GOLGA3: variants seen among roughly 807,000 people sequenced by gnomAD.
GOLGA3 encodes the protein golgin A3, also known as golgin subfamily A member 3.
Under a neutral mutation model 169.4 loss-of-function variants are expected in GOLGA3, and 75 were observed. The ratio of observed to expected loss-of-function variants is 0.44; its 90% confidence interval spans 0.37 to 0.54. GOLGA3 has a LOEUF of 0.54. Among genes scored for constraint, GOLGA3 ranks in the 20% least tolerant of loss-of-function variants. The pLI is 0.00. For missense variants in GOLGA3, 1,899 were observed against 1,930.0 expected (o/e 0.98, Z 0.30); for synonymous variants, 824 against 822.4 (o/e 1.00, Z -0.03).
chr12:132,774,570 C>T (rs1258994121), intron 22 of GOLGA3: 6 of 560,462 alleles, frequency 1.1e-5, no homozygotes, highest in East Asian at 6.2e-5. Flanking sequence ...CCTGGGTCTG[C>T]GGCAGGACGG....
In GOLGA3 at chr12:132,802,020, G is replaced by C. The variant is rs781047849; in HGVS notation, c.1598-51C>G. On this transcript the variant is annotated intron_variant, in intron 7 of 23. Coordinates refer to ENST00000450791, the MANE Select transcript of GOLGA3 (RefSeq NM_001389683.1). ...CAGGCCAGCGACGGCCAACGGGGGAGTCCGCAGCTCCGCGCGTGCGGGACA... is the reference window on the plus strand; with the variant it reads ...CAGGCCAGCGACGGCCAACGGGGGACTCCGCAGCTCCGCGCGTGCGGGACA... 1.0e-5 allele frequency: 15 copies of C among 1,463,144 alleles called. No homozygotes were observed. In the Admixed American group the frequency reaches 2.3e-4, roughly 22 times the overall value. The allele number at this position is 1,463,144 out of a possible 1,614,324, so 90.6% of individuals were successfully genotyped here.
Position 132,774,315 on chromosome 12 carries a change from C to G in GOLGA3, c.4149G>C (p.Lys1383Asn). 6.2e-7 allele frequency: 1 copy of G among 1,611,750 alleles called. No individual in the cohort carries two copies. The highest frequency in any genetic ancestry group is 8.5e-7 in the Non-Finnish European group (1 of 1,180,008). Residue 1383 changes from lysine to asparagine, a missense_variant, in exon 23 of 24, where the codon AAG becomes AAC. Lys to Asn is a moderately conservative substitution (Grantham distance 94, BLOSUM62 0). Coordinates refer to ENST00000450791, the MANE Select transcript of GOLGA3 (RefSeq NM_001389683.1). ...AAGAGCTGGCCTCGCCTTTCGGCTC[C>G]TTTCTCTGTTTTTAAAAGCACATGA... ...DLRRGAAKTR[K>N]EPKGEASSSN...
At chr12:132,779,500 G>C (rs2045428200) in intron 18 of GOLGA3, among the ~76,000 whole-genome samples, 1 of 152,194 alleles carries the variant, frequency 6.6e-6, no homozygotes, top group Non-Finnish European at 1.5e-5. Flanking sequence ...GTTCTTAAAG[G>C]TTGTGGCAAA....
At position 132,772,095 on chromosome 12, in the gene GOLGA3, A is replaced by G. The variant is rs1219277266; in HGVS notation, c.*1010T>C. On this transcript the variant is annotated 3_prime_UTR_variant, in exon 24 of 24. Coordinates refer to ENST00000450791, the MANE Select transcript of GOLGA3 (RefSeq NM_001389683.1). The stretch of plus-strand genomic sequence containing the variant: ...CAACAGAGGACCTTTCTGTGTAAGA[A>G]TATTTGGCTTTAGAAGGTAAATAAA... 1 of 152,268 alleles carries G rather than the reference A, an allele frequency of 6.6e-6. No individual in the cohort carries two copies. Among genetic ancestry groups the G allele is most frequent in the African/African-American group, 2.4e-5 (1 of 41,480 alleles). The allele number at this position is 152,268 out of a possible 1,614,324, so 9.4% of individuals were successfully genotyped here.
intron 1 of GOLGA3, among the ~76,000 whole-genome samples, chr12:132,823,358 A>G (rs532601091): frequency 2.7e-4 from 41 of 152,378 alleles, no homozygotes; most frequent in Middle Eastern, 3.4e-3. Flanking sequence ...ATTCTGCAGA[A>G]ATGTTGGCAT....
chr12:132,789,611 T>C (rs2046114240), intron 12 of GOLGA3, among the ~76,000 whole-genome samples: 1 of 152,102 alleles, frequency 6.6e-6, no homozygotes, highest in Non-Finnish European at 1.5e-5. Flanking sequence ...GGTAATCCCC[T>C]TGCTTGTGGC....
chr12:132,814,342 C>G (rs1566135797), intron 3 of GOLGA3, among the ~76,000 whole-genome samples: 1 of 152,166 alleles, frequency 6.6e-6, no homozygotes, highest in Non-Finnish European at 1.5e-5. Flanking sequence ...CTTTTAACAA[C>G]AGAAAGAACT....
chr12:132,826,176 A>T (rs1950407977), intron 1 of GOLGA3: 21 of 1,590,598 alleles, frequency 1.3e-5, no homozygotes, highest in Non-Finnish European at 1.8e-5. Context: ...AAGCAGTTCC[A>T]GAAGTTCTGA....
intron 6 of GOLGA3, 21 bp from the exon 7 acceptor site, chr12:132,805,043 A>T: frequency 1.3e-6 from 2 of 1,596,198 alleles, no homozygotes; most frequent in South Asian, 2.2e-5. Context: ...CCCAACAACC[A>T]CAATGATTTT....
At chr12:132,810,908 C>A (rs529319676) in intron 4 of GOLGA3, among the ~76,000 whole-genome samples, 1 of 152,228 alleles carries the variant, frequency 6.6e-6, no homozygotes, top group Non-Finnish European at 1.5e-5. Flanking sequence ...ATGTTCCATC[C>A]TGTACACGTG....
At chr12:132,787,507 C>T (rs1247946153) in intron 13 of GOLGA3, among the ~76,000 whole-genome samples, 3 of 142,760 alleles carry the variant, frequency 2.1e-5, no homozygotes, top group South Asian at 4.5e-4. Flanking sequence ...TCCCCACAAG[C>T]CCCTGGATCC....
At chr12:132,783,279 G>A (rs1593250953) in intron 16 of GOLGA3, among the ~76,000 whole-genome samples, 2 of 152,224 alleles carry the variant, frequency 1.3e-5, no homozygotes, top group Non-Finnish European at 2.9e-5. Context: ...GAAGGCTGTC[G>A]TGGTCATGGT....
Position 132,770,145 on chromosome 12 carries a change from A to G in GOLGA3, c.*2960T>C, listed in dbSNP as rs903249244. Reference sequence around the variant, plus strand: ...CTACTGGGGAGAATGAGGCAGGAGAATCGCTTGAACCCAGATGGCGGAGCT... The same window carrying G: ...CTACTGGGGAGAATGAGGCAGGAGAGTCGCTTGAACCCAGATGGCGGAGCT... On this transcript the variant is annotated 3_prime_UTR_variant, in exon 24 of 24. Transcript: ENST00000450791. 38 of 151,964 alleles carry G rather than the reference A, an allele frequency of 2.5e-4. No homozygotes were observed. The highest frequency in any genetic ancestry group is 8.9e-4 in the African/African-American group (37 of 41,358). The allele number at this position is 151,964 out of a possible 1,614,324, so 9.4% of individuals were successfully genotyped here.
chr12:132,787,661 CCCGGG>C (rs2045978896), intron 13 of GOLGA3, among the ~76,000 whole-genome samples: 1 of 111,884 alleles, frequency 8.9e-6, no homozygotes, highest in African/African-American at 3.4e-5. Flanking sequence ...CCCCGGAGAC[CCCGGG>C]ACCCCTCCCC....
intron 6 of GOLGA3, 72 bp downstream of exon 6, chr12:132,807,105 G>A (rs983415638): frequency 2.3e-6 from 2 of 865,812 alleles, no homozygotes; most frequent in South Asian, 1.5e-5. Flanking sequence ...GTGAAACCTC[G>A]TACCCAACAG....
chr12:132,824,918 C>T (rs552318777), intron 1 of GOLGA3, among the ~76,000 whole-genome samples: 19 of 152,236 alleles, frequency 1.2e-4, no homozygotes, highest in African/African-American at 3.6e-4. Flanking sequence ...GCCACGCCCA[C>T]CTGGGAATGG....
intron 16 of GOLGA3, chr12:132,783,957 G>A: frequency 1.4e-6 from 2 of 1,455,718 alleles, no homozygotes; most frequent in Non-Finnish European, 9.0e-7. Context: ...CACCAAAGAG[G>A]CTGTACAGTG....
At position 132,780,892 on chromosome 12, in the gene GOLGA3, T is replaced by C. The variant is rs925230251; in HGVS notation, c.3488A>G (p.Lys1163Arg). Residue 1163 changes from lysine to arginine, a missense_variant, in exon 18 of 24, where the codon AAA (lysine) becomes AGA (arginine). Physicochemically the swap from Lys to Arg is conservative, Grantham distance 26 (BLOSUM62 2). Transcript: ENST00000450791. ...NLQVQAVLQR[K>R]EEEDRQMKHL... is the part of the protein sequence containing the mutation. The stretch of plus-strand genomic sequence containing the variant: ...CTTCATCTGGCGATCCTCCTCTTCT[T>C]TGCGCTGCAAAACTGCCTGCACCTA... 17 of 1,611,548 alleles carry C rather than the reference T, an allele frequency of 1.1e-5. No individual in the cohort carries two copies. The highest frequency in any genetic ancestry group is 1.7e-5 in the Admixed American group (1 of 60,008).
At chr12:132,783,014 G>A (rs2045692419) in intron 16 of GOLGA3, among the ~76,000 whole-genome samples, 2 of 152,194 alleles carry the variant, frequency 1.3e-5, no homozygotes, top group Non-Finnish European at 2.9e-5. Context: ...TAGCCAACAT[G>A]ATGAAACCCT....
Sources: gnomAD v4.1 joint callset for allele counts (sites outside exome capture counted in the v4.1 genomes callset) on GRCh38, gnomAD v4.1.1 for gene constraint, MANE v1.5 for transcripts, NCBI Gene and HGNC (gene_info 2026-07-23, HGNC 2026-07-21) for gene names.